The following TRAPPC13 variants were observed in gnomAD, a reference collection of about 807,000 sequenced individuals.
The protein encoded by TRAPPC13 is REV7-interacting novel NHEJ regulator 1.
A neutral mutation model predicts 54.0 loss-of-function variants in TRAPPC13; 39 were observed. The ratio of observed to expected loss-of-function variants is 0.72; its 90% CI spans 0.56 to 0.94. The LOEUF is 0.94. TRAPPC13 is among the 40% of genes least tolerant of loss of function. The probability of loss-of-function intolerance (pLI) is 0.00; values close to 1 mark genes in which losing one functional copy is unlikely to be tolerated. For missense variants in TRAPPC13, 386 were observed against 488.1 expected (o/e 0.79, Z 1.97); for synonymous variants, 148 against 167.7 (o/e 0.88, Z 0.91).
At chr5:65,631,886 CAT>C (rs1189384871) in intron 1 of TRAPPC13, among the ~76,000 whole-genome samples, 2 of 146,370 alleles carry the variant, frequency 1.4e-5, no homozygotes, top group African/African-American at 2.6e-5. Flanking sequence ...ATGTTAGCTA[CAT>C]GTTTGGGTGA....
chr5:65,629,564 T>C (rs1755432427), intron 1 of TRAPPC13: 1 of 1,496,496 alleles, frequency 6.7e-7, no homozygotes. Flanking sequence ...TTCTCATCAC[T>C]AAGAGTAACT....
At chr5:65,659,252 C>T (rs145357343) in intron 9 of TRAPPC13, among the ~76,000 whole-genome samples, 1 of 152,322 alleles carries the variant, frequency 6.6e-6, no homozygotes, top group African/African-American at 2.4e-5. Context: ...TATAGTCAAG[C>T]ACTGTAGGTT....
intron 4 of TRAPPC13, among the ~76,000 whole-genome samples, chr5:65,645,557 C>A (rs1756159255): frequency 6.6e-6 from 1 of 152,208 alleles, no homozygotes; most frequent in African/African-American, 2.4e-5. Context: ...GTAATCCCAG[C>A]ACTTTGGGAG....
intron 4 of TRAPPC13, among the ~76,000 whole-genome samples, chr5:65,642,595 A>G (rs1273179049): frequency 2.0e-5 from 3 of 147,108 alleles, no homozygotes; most frequent in Non-Finnish European, 4.6e-5. Context: ...TTTGATTTAT[A>G]TTGATAAAAG....
chr5:65,654,687 A>G (rs1756584263), intron 7 of TRAPPC13, among the ~76,000 whole-genome samples: 1 of 152,168 alleles, frequency 6.6e-6, no homozygotes, highest in Admixed American at 6.5e-5. Flanking sequence ...TGTCTCAAAC[A>G]TATATTTTGA....
intron 1 of TRAPPC13, among the ~76,000 whole-genome samples, chr5:65,633,511 G>T (rs34722585): frequency 0.048 from 7,265 of 151,894 alleles, 298 homozygotes; most frequent in African/African-American, 0.095. Context: ...CTCGTGATCC[G>T]CCCGCCTCGG....
chr5:65,653,158 A>G (rs1224360836), intron 7 of TRAPPC13, among the ~76,000 whole-genome samples: 1 of 139,824 alleles, frequency 7.2e-6, no homozygotes, highest in Non-Finnish European at 1.6e-5. Flanking sequence ...AACTTGCCAT[A>G]GGAGAAAGGA....
At position 65,640,096 on chromosome 5, in the gene TRAPPC13, C is replaced by G. The variant is rs370927202; in HGVS notation, c.300+2316C>G. ...TGTCATATATGGATGGGGTCTCTGC[C>G]TTTCATTAAATTAGGAGTTGACAAA... On this transcript the variant is annotated intron_variant, in intron 4 of 12. Coordinates refer to ENST00000399438, the MANE Select transcript of TRAPPC13 (RefSeq NM_024941.4). Among the ~76,000 whole-genome samples the G allele has an allele frequency of 5.3e-5, 8 of 152,292 alleles. No homozygotes were observed. The East Asian group carries it at 1.3e-3, about 26-fold the overall frequency.
chr5:65,631,292 G>C lies in TRAPPC13; in HGVS notation c.47-4009G>C, dbSNP rs535900186. ...CATGGTAGGAGCTTGATAATGCATG[G>C]TAAACATTCCCTTCAGAGGGATTCT... On this transcript the variant is annotated intron_variant, in intron 1 of 12. Coordinates refer to ENST00000399438, the MANE Select transcript of TRAPPC13 (RefSeq NM_024941.4). Among the ~76,000 whole-genome samples, 13 of 152,270 alleles carry C rather than the reference G, an allele frequency of 8.5e-5. No individual in the cohort carries two copies. The South Asian group carries it at 2.7e-3, about 32-fold the overall frequency.
chr5:65,658,736 T>G (rs1482809090), intron 9 of TRAPPC13, among the ~76,000 whole-genome samples: 1 of 151,644 alleles, frequency 6.6e-6, no homozygotes, highest in Non-Finnish European at 1.5e-5. Context: ...ATTTATTTAT[T>G]TATTTATTTT....
intron 4 of TRAPPC13, among the ~76,000 whole-genome samples, chr5:65,642,697 G>C (rs1003026778): frequency 2.0e-5 from 3 of 152,088 alleles, no homozygotes; most frequent in Non-Finnish European, 4.4e-5. Context: ...AAGAGGTGAG[G>C]TTTCACTCTG....
intron 6 of TRAPPC13, among the ~76,000 whole-genome samples, chr5:65,651,845 T>TTG (rs1255433401): frequency 2.3e-4 from 5 of 21,988 alleles, no homozygotes; most frequent in African/African-American, 1.2e-3. Flanking sequence ...TGATTCAGTT[T>TTG]TTTTTTTTTT....
intron 1 of TRAPPC13, 66 bp from the exon 2 acceptor site, chr5:65,635,235 A>G: frequency 1.5e-6 from 2 of 1,347,278 alleles, no homozygotes; most frequent in Non-Finnish European, 2.1e-6. Flanking sequence ...GTCATACACT[A>G]GACTTGAGAA....
At chr5:65,641,030 C>T (rs1266530062) in intron 4 of TRAPPC13, among the ~76,000 whole-genome samples, 1 of 151,794 alleles carries the variant, frequency 6.6e-6, no homozygotes, top group Non-Finnish European at 1.5e-5. Context: ...AACTCATGGG[C>T]TCAAGGGATC....
chr5:65,647,559 A>T (rs951729629), intron 5 of TRAPPC13, among the ~76,000 whole-genome samples: 2 of 152,104 alleles, frequency 1.3e-5, no homozygotes, highest in Admixed American at 6.5e-5. Flanking sequence ...TTAACCAGGT[A>T]TATGCACTCT....
chr5:65,640,627 T>G (rs1755930807), intron 4 of TRAPPC13, among the ~76,000 whole-genome samples: 1 of 152,254 alleles, frequency 6.6e-6, no homozygotes, highest in Non-Finnish European at 1.5e-5. Flanking sequence ...AACATATACT[T>G]TTGTCTTTCT....
At chr5:65,656,406 G>C (rs751485854) in intron 8 of TRAPPC13, among the ~76,000 whole-genome samples, 1 of 151,894 alleles carries the variant, frequency 6.6e-6, no homozygotes, top group Non-Finnish European at 1.5e-5. Context: ...GGATTGATGG[G>C]ATATATGTAC....
At chr5:65,629,956 G>A (rs1461456290) in intron 1 of TRAPPC13, 29 of 1,536,064 alleles carry the variant, frequency 1.9e-5, no homozygotes, top group Non-Finnish European at 2.4e-5. Context: ...AATCAGAAAA[G>A]GGAAAACAGC....
intron 4 of TRAPPC13, among the ~76,000 whole-genome samples, chr5:65,638,638 G>A (rs972993860): frequency 1.3e-5 from 2 of 152,190 alleles, no homozygotes; most frequent in Non-Finnish European, 2.9e-5. Context: ...CCAAGACTGG[G>A]CAATTTACCA....
Sources: gnomAD v4.1 joint callset for allele counts (sites outside exome capture counted in the v4.1 genomes callset) on GRCh38, gnomAD v4.1.1 for gene constraint, MANE v1.5 for transcripts, NCBI Gene and HGNC (gene_info 2026-07-23, HGNC 2026-07-21) for gene names.